Variants in VWA8 observed in about 807,000 individuals in gnomAD.
VWA8 encodes von Willebrand factor A domain containing 8, also known as von Willebrand factor A domain-containing protein 8.
A neutral mutation model predicts 241.5 loss-of-function variants in VWA8; 221 were observed. That is an observed-to-expected ratio of 0.91 (90% CI 0.82 to 1.02). The LOEUF (loss-of-function observed/expected upper bound fraction) is 1.02. Among genes scored for constraint, VWA8 ranks in the 50% least tolerant of loss-of-function variants. The pLI, the probability that VWA8 is intolerant of heterozygous loss-of-function variation, is 0.00. For missense variants in VWA8, 2,322 were observed against 2,328.7 expected (o/e 1.00, Z 0.06); for synonymous variants, 852 against 827.1 (o/e 1.03, Z -0.52).
intron 37 of VWA8, among the ~76,000 whole-genome samples, chr13:41,640,406 A>C (rs1411958164): frequency 3.3e-5 from 5 of 152,190 alleles, no homozygotes; most frequent in African/African-American, 1.2e-4. Flanking sequence ...ATAAACCAAG[A>C]TGCAATGAAA....
rs1016539172 is a variant in VWA8, at chr13:41,701,405, A to G, written c.3351T>C (p.Ile1117=). Residue 1117 remains isoleucine, a synonymous_variant, in exon 28 of 45, where the codon ATT becomes ATC. Coordinates refer to ENST00000379310, the MANE Select transcript of VWA8 (RefSeq NM_015058.2). Reference sequence around the variant, plus strand: ...AAGCAGACATACCATGTGATGTAGCAATGTCACAGATTATATTAATTTCAT... The same window carrying G: ...AAGCAGACATACCATGTGATGTAGCGATGTCACAGATTATATTAATTTCAT... ...PLDEINIICD[I]ATSHENEQNT... The G allele has an allele frequency of 2.2e-5, 36 of 1,603,342 alleles. No homozygotes were observed. The highest frequency in any genetic ancestry group is 1.2e-4 in the African/African-American group (9 of 74,320).
chr13:41,568,312 G>C lies in VWA8; in HGVS notation c.5610-7C>G. 6.2e-7 allele frequency: 1 copy of C among 1,613,212 alleles called. No homozygotes were observed. The highest frequency in any genetic ancestry group is 8.5e-7 in the Non-Finnish European group (1 of 1,179,186). On this transcript the variant is annotated splice_region_variant and splice_polypyrimidine_tract_variant and intron_variant, in intron 44 of 44. Transcript: ENST00000379310. ...TGGTAAAGTTCTCTGAAGCCTGCCA[G>C]GATGGAAAGGGAAAGGAAGTTACCA...
At chr13:41,783,758 A>T in intron 19 of VWA8, 37 bp downstream of exon 19, 1 of 1,464,108 alleles carries the variant, frequency 6.8e-7, no homozygotes, top group Non-Finnish European at 9.5e-7. Flanking sequence ...ACCACAATTT[A>T]AGTGATTTAT....
At chr13:41,597,786 C>T (rs2044497967) in intron 40 of VWA8, among the ~76,000 whole-genome samples, 1 of 151,994 alleles carries the variant, frequency 6.6e-6, no homozygotes, top group Admixed American at 6.6e-5. Context: ...CTCTCTAAGT[C>T]CTCCCCCATC....
At chr13:41,696,725 G>C (rs183830072) in intron 29 of VWA8, among the ~76,000 whole-genome samples, 1 of 150,738 alleles carries the variant, frequency 6.6e-6, no homozygotes, top group African/African-American at 2.4e-5. Flanking sequence ...TTTAACAATT[G>C]ATCCTTATCT....
At chr13:41,732,871 A>C (rs1166076712) in intron 21 of VWA8, among the ~76,000 whole-genome samples, 3 of 152,226 alleles carry the variant, frequency 2.0e-5, no homozygotes, top group Admixed American at 2.0e-4. Flanking sequence ...TATTCTTGCC[A>C]AAATGTGTGT....
At chr13:41,569,810 C>G (rs1354920571) in intron 44 of VWA8, among the ~76,000 whole-genome samples, 1 of 152,078 alleles carries the variant, frequency 6.6e-6, no homozygotes, top group African/African-American at 2.4e-5. Context: ...TCAGATCATA[C>G]CCACTGGTAT....
chr13:41,666,028 G>T (rs889075510), intron 37 of VWA8, among the ~76,000 whole-genome samples: 2 of 152,012 alleles, frequency 1.3e-5, no homozygotes, highest in African/African-American at 4.8e-5. Context: ...TCATAAACTT[G>T]TTTATTTGCT....
At position 41,615,006 on chromosome 13, in the gene VWA8, C is replaced by G. The variant is rs73464952; in HGVS notation, c.4690G>C (p.Val1564Leu). 6.2e-7 allele frequency: 1 copy of G among 1,613,698 alleles called. No individual in the cohort carries two copies. The highest frequency in any genetic ancestry group is 1.3e-5 in the African/African-American group (1 of 75,008). ...CCGCCAGCCCAAGTGTTGCCGCCCA[C>G]GTGAGGCATGTTGTCTGGGTCCTCC... ...GKEDPDNMPH[V>L]GGNTWAGGTG... Residue 1564 changes from valine to leucine, a missense_variant, in exon 38 of 45, where the codon GTG becomes CTG. Physicochemically the swap from Val to Leu is conservative, Grantham distance 32. Coordinates refer to ENST00000379310, the MANE Select transcript of VWA8 (RefSeq NM_015058.2).
chr13:41,690,089 C>T, intron 33 of VWA8, 77 bp downstream of exon 33: 1 of 1,287,156 alleles, frequency 7.8e-7, no homozygotes, highest in Non-Finnish European at 1.1e-6. Context: ...GTGTTTTGTT[C>T]TTAAATGATT....
At chr13:41,794,885 G>A (rs1340397455) in intron 17 of VWA8, among the ~76,000 whole-genome samples, 1 of 151,968 alleles carries the variant, frequency 6.6e-6, no homozygotes, top group East Asian at 1.9e-4. Context: ...CAGGACATAG[G>A]CACAGGCAAA....
At chr13:41,599,682 C>T (rs1243097786) in intron 40 of VWA8, among the ~76,000 whole-genome samples, 1 of 152,126 alleles carries the variant, frequency 6.6e-6, no homozygotes, top group Non-Finnish European at 1.5e-5. Context: ...ATCTACAATG[C>T]CAGCAGGGAA....
At chr13:41,865,877 TC>T in intron 11 of VWA8, 24 bp downstream of exon 11, 1 of 1,614,172 alleles carries the variant, frequency 6.2e-7, no homozygotes, top group Non-Finnish European at 8.5e-7. Context: ...AAACTAAAAG[TC>T]TGCAGTGAGA....
At chr13:41,718,470 C>T (rs1369700658) in intron 26 of VWA8, among the ~76,000 whole-genome samples, 1 of 151,870 alleles carries the variant, frequency 6.6e-6, no homozygotes, top group Non-Finnish European at 1.5e-5. Context: ...CCCAGTCATT[C>T]TTCTGGAAAA....
Position 41,761,286 on chromosome 13 carries a change from C to T in VWA8, c.2350-82G>A, listed in dbSNP as rs1270229838. Reference sequence around the variant, plus strand: ...ATGCCAAATCAGAAGAATCTTTTACCAAAACCTGCTTTCTCACCTTGTTAC... The same window carrying T: ...ATGCCAAATCAGAAGAATCTTTTACTAAAACCTGCTTTCTCACCTTGTTAC... On this transcript the variant is annotated intron_variant, in intron 20 of 44. Coordinates refer to ENST00000379310, the MANE Select transcript of VWA8 (RefSeq NM_015058.2). 7.4e-6 allele frequency: 10 copies of T among 1,350,290 alleles called. No homozygotes were observed. In the East Asian group the frequency reaches 2.1e-4, roughly 28 times the overall value. 83.6% of individuals were successfully genotyped at this position (1,350,290 alleles called of 1,614,324 possible). A position where few individuals can be genotyped will look rare whatever the true frequency, so the allele number is the denominator to read the frequency against.
intron 14 of VWA8, 79 bp from the exon 15 acceptor site, chr13:41,819,465 A>T (rs993038225): frequency 1.4e-6 from 2 of 1,413,264 alleles, no homozygotes; most frequent in African/African-American, 2.9e-5. Context: ...AAGTCTAGGC[A>T]ACGTTAGGGC....
intron 1 of VWA8, 68 bp downstream of exon 1, chr13:41,960,785 G>A (rs1406256201): frequency 2.7e-6 from 4 of 1,458,822 alleles, no homozygotes; most frequent in Non-Finnish European, 3.6e-6. Flanking sequence ...GAGGAGGGGC[G>A]GGGGCGCGCG....
In VWA8 at chr13:41,910,427, C is replaced by G. The variant is rs144503293; in HGVS notation, c.372+1611G>C. Among the ~76,000 whole-genome samples the G allele has an allele frequency of 2.4e-4, 36 of 151,886 alleles. No homozygotes were observed. The East Asian group carries it at 6.8e-3, about 29-fold the overall frequency. Reference sequence around the variant, plus strand: ...TGGTGAAACCCATTTCTACTAAAAACATGAAAAATTAGCCGGGTGTGGTGG... The same window carrying G: ...TGGTGAAACCCATTTCTACTAAAAAGATGAAAAATTAGCCGGGTGTGGTGG... On this transcript the variant is annotated intron_variant, in intron 3 of 44. Transcript: ENST00000379310.
intron 14 of VWA8, among the ~76,000 whole-genome samples, chr13:41,826,054 T>G (rs1040799347): frequency 4.0e-5 from 6 of 148,722 alleles, no homozygotes; most frequent in African/African-American, 1.5e-4. Flanking sequence ...AAGAGAAGAA[T>G]CTAACCTATT....
Sources: allele counts gnomAD v4.1 joint callset (sites outside exome capture counted in the v4.1 genomes callset), GRCh38; gene constraint gnomAD v4.1.1; transcripts MANE v1.5; gene names NCBI Gene and HGNC (gene_info 2026-07-23, HGNC 2026-07-21).